The following ZFYVE28 variants were observed in gnomAD, a reference collection of about 807,000 sequenced individuals.
The protein encoded by ZFYVE28 is lateral signaling target protein 2 homolog.
A neutral mutation model predicts 82.1 loss-of-function variants in ZFYVE28; 40 were observed. The ratio of observed to expected loss-of-function variants is 0.49; its 90% CI spans 0.38 to 0.63. The LOEUF is 0.63. Ranked by LOEUF, ZFYVE28 falls within the 30% of genes least tolerant of loss-of-function variation. ZFYVE28 has a pLI of 0.00. For missense variants in ZFYVE28, 1,321 were observed against 1,242.1 expected, an observed-to-expected ratio of 1.06 and a Z score of -0.96; for synonymous variants, 612 against 546.1, an observed-to-expected ratio of 1.12 and a Z score of -1.68.
chr4:2,290,132 G>A (rs918119696), intron 8 of ZFYVE28, among the ~76,000 whole-genome samples: 3 of 152,144 alleles, frequency 2.0e-5, no homozygotes, highest in African/African-American at 7.2e-5. Context: ...CCCCCAGCCT[G>A]TGCCCCAGGG....
At chr4:2,342,155 A>C (rs911752954) in intron 2 of ZFYVE28, among the ~76,000 whole-genome samples, 5 of 152,214 alleles carry the variant, frequency 3.3e-5, no homozygotes, top group Non-Finnish European at 7.3e-5. Flanking sequence ...AGTTACGTCA[A>C]GGCCAGGCAC....
intron 1 of ZFYVE28, among the ~76,000 whole-genome samples, chr4:2,415,450 C>CCACACACACACACA (rs1560365768): frequency 3.9e-5 from 2 of 50,982 alleles, no homozygotes; most frequent in Non-Finnish European, 6.4e-5. Context: ...GACCCTGTCT[C>CCACACACACACACA]TACACACACA....
At position 2,316,796 on chromosome 4, in the gene ZFYVE28, A is replaced by C. The variant is rs891994450; in HGVS notation, c.803+3374T>G. ...CAACCTCTGCCTCCCAGGTTTAGGC[A>C]ATTCTCCTGCCTCAGCCTCCCAAAT... On this transcript the variant is annotated intron_variant, in intron 7 of 12. Transcript: ENST00000290974. 1.2e-3 allele frequency among the ~76,000 whole-genome samples: 175 copies of C among 148,540 alleles called. 2 individuals carry two copies. Among genetic ancestry groups the C allele is most frequent in the Non-Finnish European group, 3.3e-4 (22 of 67,184 alleles).
intron 1 of ZFYVE28, among the ~76,000 whole-genome samples, chr4:2,359,680 G>A (rs186549647): frequency 1.0e-3 from 152 of 152,300 alleles, no homozygotes; most frequent in Non-Finnish European, 1.6e-3. Context: ...CATTCCTACC[G>A]TTCCGGCTAC....
intron 1 of ZFYVE28, among the ~76,000 whole-genome samples, chr4:2,360,881 C>T (rs1196912738): frequency 3.3e-5 from 5 of 152,188 alleles, no homozygotes; most frequent in Non-Finnish European, 5.9e-5. Flanking sequence ...AATGTTCCAT[C>T]ACTGACAAAG....
intron 7 of ZFYVE28, among the ~76,000 whole-genome samples, chr4:2,315,581 C>T (rs1718087527): frequency 6.6e-6 from 1 of 152,216 alleles, no homozygotes; most frequent in African/African-American, 2.4e-5. Context: ...CCTCCTTCGG[C>T]AGTTTAAATA....
chr4:2,384,443 G>A lies in ZFYVE28; in HGVS notation c.40-30370C>T, dbSNP rs575586572. On this transcript the variant is annotated intron_variant, in intron 1 of 12. Transcript: ENST00000290974. ...CTGCCTGGTTTCCCAGGACAGGGCT[G>A]TGACTGACCACTGGAGGGGGCACAG... Among the ~76,000 whole-genome samples, 6 of 152,330 alleles carry A rather than the reference G, an allele frequency of 3.9e-5. No individual in the cohort carries two copies. In the South Asian group the frequency reaches 1.0e-3, roughly 26 times the overall value.
chr4:2,281,257 G>A (rs1711929628), intron 8 of ZFYVE28, among the ~76,000 whole-genome samples: 1 of 152,180 alleles, frequency 6.6e-6, no homozygotes, highest in African/African-American at 2.4e-5. Context: ...AGAGCAGAGT[G>A]GGGAGGTAGA....
Position 2,349,804 on chromosome 4 carries a change from G to GA in ZFYVE28, c.180+4128dup, listed in dbSNP as rs373037401. Among the ~76,000 whole-genome samples, 409 of 150,134 alleles carry GA rather than the reference G, an allele frequency of 2.7e-3. 11 individuals carry two copies. In the East Asian group the frequency reaches 0.063, roughly 23 times the overall value. On this transcript the variant is annotated intron_variant, in intron 2 of 12. Transcript: ENST00000290974. ...CCGTTGACACACAAAAAAAGCATCT[G>GA]AAAAAAAAAATCTAACATCTATTCC...
chr4:2,271,685 C>T lies in ZFYVE28; in HGVS notation c.2418G>A (p.Gly806=), dbSNP rs915105578. ...GAGCCTCCCACACACCTTCAAAGTC[C>T]CCATCGCGGGTCTTGGCTGCCAGTT... The part of the protein sequence containing the change: ...SSELAAKTRD[G]DFEDPPEWVP... Residue 806 remains glycine (G), a synonymous_variant, in exon 11 of 13, where the codon GGG becomes GGA. Coordinates refer to ENST00000290974, the MANE Select transcript of ZFYVE28 (RefSeq NM_020972.3). 6.8e-6 allele frequency: 11 copies of T among 1,613,740 alleles called. No individual in the cohort carries two copies. In the African/African-American group the frequency reaches 1.1e-4, roughly 16 times the overall value.
intron 8 of ZFYVE28, among the ~76,000 whole-genome samples, chr4:2,293,771 A>AC (rs1714116549): frequency 6.7e-6 from 1 of 149,858 alleles, no homozygotes; most frequent in Non-Finnish European, 1.5e-5. Context: ...AAAAAAAAAA[A>AC]TCTTCTAGAA....
At chr4:2,371,757 C>T (rs1727577690) in intron 1 of ZFYVE28, among the ~76,000 whole-genome samples, 1 of 152,246 alleles carries the variant, frequency 6.6e-6, no homozygotes, top group Admixed American at 6.5e-5. Context: ...GGGCTAAAGC[C>T]AAACTGGAAA....
At chr4:2,397,297 T>A (rs1390836710) in intron 1 of ZFYVE28, among the ~76,000 whole-genome samples, 1 of 151,834 alleles carries the variant, frequency 6.6e-6, no homozygotes, top group Non-Finnish European at 1.5e-5. Context: ...GCCAACATGG[T>A]GAAACCCCAT....
Position 2,394,094 on chromosome 4 carries a change from T to C in ZFYVE28, c.39+24191A>G, listed in dbSNP as rs547079397. ...TTCAGAGCCAGCGGCATTGCACGTC[T>C]ACAGCCTTCTTCCCAGGCCCAGCTC... On this transcript the variant is annotated intron_variant, in intron 1 of 12. Coordinates refer to ENST00000290974, the MANE Select transcript of ZFYVE28 (RefSeq NM_020972.3). The surrounding 1 kb of genome is among the most constrained non-coding windows in gnomAD (Gnocchi z 4.0). Among the ~76,000 whole-genome samples, 18 of 152,286 alleles carry C rather than the reference T, an allele frequency of 1.2e-4. 1 individual carries two copies. Among genetic ancestry groups the C allele is most frequent in the African/African-American group, 3.6e-4 (15 of 41,582 alleles).
At chr4:2,313,362 G>T (rs1486117293) in intron 7 of ZFYVE28, among the ~76,000 whole-genome samples, 1 of 151,968 alleles carries the variant, frequency 6.6e-6, no homozygotes, top group Non-Finnish European at 1.5e-5. Flanking sequence ...CTGGGCTCAA[G>T]CCATCCTCCT....
Position 2,408,516 on chromosome 4 carries a change from G to A in ZFYVE28, c.39+9769C>T, listed in dbSNP as rs1419321810. ...CCTGCCTGACAGCTGCACCAGCCGG[G>A]GTGGACCAAAGGCCGCAGATGGTTC... On this transcript the variant is annotated intron_variant, in intron 1 of 12. Coordinates refer to ENST00000290974, the MANE Select transcript of ZFYVE28 (RefSeq NM_020972.3). This position sits in a 1 kb window ranked among gnomAD's most constrained non-coding sequence, Gnocchi z 4.3. 6.6e-6 allele frequency among the ~76,000 whole-genome samples: 1 copy of A among 152,222 alleles called. No individual in the cohort carries two copies. The highest frequency in any genetic ancestry group is 1.5e-5 in the Non-Finnish European group (1 of 68,038).
intron 8 of ZFYVE28, chr4:2,295,981 C>T (rs896499461): frequency 2.6e-5 from 4 of 152,610 alleles, no homozygotes; most frequent in Non-Finnish European, 4.4e-5. Flanking sequence ...GTGCGGGGTG[C>T]GGTCCAGAGG....
intron 8 of ZFYVE28, among the ~76,000 whole-genome samples, chr4:2,292,548 G>A (rs1041940329): frequency 5.9e-5 from 9 of 152,330 alleles, no homozygotes; most frequent in Middle Eastern, 3.4e-3. Flanking sequence ...CTGAGGGGAC[G>A]TCAGGAGGAT....
intron 2 of ZFYVE28, 133 bp downstream of exon 2, chr4:2,353,800 G>T: frequency 1.7e-6 from 2 of 1,150,718 alleles, no homozygotes; most frequent in Non-Finnish European, 2.2e-6. Flanking sequence ...CCTGGGCCTG[G>T]CTTCTCTAGC....
Sources: allele counts gnomAD v4.1 joint callset (sites outside exome capture counted in the v4.1 genomes callset), GRCh38; gene constraint gnomAD v4.1.1; non-coding constraint Gnocchi (gnomAD v3.1); transcripts MANE v1.5; gene names NCBI Gene and HGNC (gene_info 2026-07-23, HGNC 2026-07-21).